The following MAPK8IP1 variants were observed in gnomAD, a reference collection of about 807,000 sequenced individuals.
The protein encoded by MAPK8IP1 is C-Jun-amino-terminal kinase-interacting protein 1.
Under a neutral mutation model 72.6 loss-of-function variants are expected in MAPK8IP1, and 17 were observed. That is an observed-to-expected ratio of 0.23 (90% confidence interval 0.16 to 0.35). The LOEUF (loss-of-function observed/expected upper bound fraction) is 0.35, where lower values mean the gene tolerates loss of function less well. MAPK8IP1 is among the 10% of genes least tolerant of loss of function. The pLI, the probability that MAPK8IP1 is intolerant of heterozygous loss-of-function variation, is 1.00. For missense variants in MAPK8IP1, 789 were observed against 1,009.7 expected (o/e 0.78, Z 2.96); for synonymous variants, 401 against 443.4 (o/e 0.90, Z 1.20).
rs1012731302 is a variant in MAPK8IP1, at chr11:45,900,117, G to A, written c.208-21G>A. 2 of 1,204,390 alleles carry A rather than the reference G, an allele frequency of 1.7e-6. No individual in the cohort carries two copies. The highest frequency in any genetic ancestry group is 1.6e-5 in the African/African-American group (1 of 62,932). 74.6% of individuals were successfully genotyped at this position (1,204,390 alleles called of 1,614,324 possible). A position where few individuals can be genotyped will look rare whatever the true frequency, so the allele number is the denominator to read the frequency against. On this transcript the variant is annotated intron_variant, in intron 2 of 11. Transcript: ENST00000241014. This position sits in a 1 kb window ranked among gnomAD's most constrained non-coding sequence, Gnocchi z 6.5. Reference sequence around the variant, plus strand: ...CCCCGCCCCGGCCCCGCCCCCTGACGCCCCTCCGTGCGCTGTGCAGCCCCC... The same window carrying A: ...CCCCGCCCCGGCCCCGCCCCCTGACACCCCTCCGTGCGCTGTGCAGCCCCC...
chr11:45,898,677 C>G (rs961480441), intron 2 of MAPK8IP1, among the ~76,000 whole-genome samples: 2 of 152,212 alleles, frequency 1.3e-5, no homozygotes, highest in African/African-American at 4.8e-5. Flanking sequence ...ACAGATGGCA[C>G]CACGCGGCCT....
intron 1 of MAPK8IP1, among the ~76,000 whole-genome samples, chr11:45,890,845 A>G (rs956483685): frequency 2.0e-5 from 3 of 152,158 alleles, no homozygotes; most frequent in Admixed American, 6.5e-5. Flanking sequence ...AGGAGAGGAT[A>G]GGGCTGGGGC....
rs757330183 is a variant in MAPK8IP1 at position 45,898,205 on chromosome 11, C to T, written c.207+15C>T. On this transcript the variant is annotated intron_variant, in intron 2 of 11. Transcript: ENST00000241014. ...TGTCCTTACGGGTAAGGGCAAGCTC[C>T]CAGGAGCTCCTGAGTGGGGTGGCAG... The T allele has an allele frequency of 6.3e-7, 1 of 1,583,444 alleles. No individual in the cohort carries two copies. Among genetic ancestry groups the T allele is most frequent in the South Asian group, 1.1e-5 (1 of 90,302 alleles).
At chr11:45,896,792 C>T (rs1162431655) in intron 1 of MAPK8IP1, 10 of 1,537,816 alleles carry the variant, frequency 6.5e-6, no homozygotes, top group Non-Finnish European at 8.8e-6. Flanking sequence ...GGCCCCCAGC[C>T]CTGCCTTGAG....
intron 1 of MAPK8IP1, among the ~76,000 whole-genome samples, chr11:45,894,641 C>G (rs1267410271): frequency 6.6e-6 from 1 of 152,152 alleles, no homozygotes; most frequent in East Asian, 1.9e-4. Flanking sequence ...GCCTGCAGTT[C>G]GAGAGGAGCA....
At chr11:45,894,467 T>C (rs970739527) in intron 1 of MAPK8IP1, among the ~76,000 whole-genome samples, 3 of 151,706 alleles carry the variant, frequency 2.0e-5, no homozygotes, top group South Asian at 2.1e-4. Flanking sequence ...CATTGCCCAA[T>C]TAAAGCCCAG....
In MAPK8IP1 at chr11:45,900,434, G is replaced by A. The variant is rs1468169604; in HGVS notation, c.504G>A (p.Pro168=). 2 of 1,532,222 alleles carry A rather than the reference G, an allele frequency of 1.3e-6. No individual in the cohort carries two copies. The highest frequency in any genetic ancestry group is 1.2e-5 in the South Asian group (1 of 83,796). The allele number at this position is 1,532,222 out of a possible 1,614,324, so 94.9% of individuals were successfully genotyped here. The change falls in exon 3 of 12, where the codon CCG becomes CCA. Residue 168 remains proline (P), a synonymous_variant. Transcript: ENST00000241014. The surrounding 1 kb of genome is among the most constrained non-coding windows in gnomAD (Gnocchi z 6.5). ...GGCCCACCACGCTCAACCTCTTTCC[G>A]CAGGTGCCGCGGTCTCAGGTGAGGC... ...PKRPTTLNLF[P]QVPRSQDTLN... is the part of the protein sequence containing the mutation.
intron 1 of MAPK8IP1, among the ~76,000 whole-genome samples, chr11:45,886,444 T>C (rs1487755243): frequency 6.6e-6 from 1 of 152,166 alleles, no homozygotes; most frequent in Non-Finnish European, 1.5e-5. Context: ...CTCTCTGGAT[T>C]GGGCAGCACC....
At chr11:45,895,609 A>C (rs946365769) in intron 1 of MAPK8IP1, among the ~76,000 whole-genome samples, 5 of 130,092 alleles carry the variant, frequency 3.8e-5, no homozygotes, top group African/African-American at 1.5e-4. Flanking sequence ...GACAGAGCGA[A>C]AGGCCGTCTC....
In MAPK8IP1 at chr11:45,900,557, G is replaced by T; in HGVS notation, c.522+105G>T. 7.4e-7 allele frequency: 1 copy of T among 1,350,120 alleles called. No individual in the cohort carries two copies. Among genetic ancestry groups the T allele is most frequent in the South Asian group, 1.3e-5 (1 of 75,390 alleles). 83.6% of individuals were successfully genotyped at this position (1,350,120 alleles called of 1,614,324 possible). A position where few individuals can be genotyped will look rare whatever the true frequency, so the allele number is the denominator to read the frequency against. ...GGGGCACCCACGGGTCCAGTGCCTG[G>T]GGACAGCGCCTGCATAGGGGCCGCG... On this transcript the variant is annotated intron_variant, in intron 3 of 11. Coordinates refer to ENST00000241014, the MANE Select transcript of MAPK8IP1 (RefSeq NM_005456.4). This position sits in a 1 kb window ranked among gnomAD's most constrained non-coding sequence, Gnocchi z 6.5.
intron 1 of MAPK8IP1, among the ~76,000 whole-genome samples, chr11:45,888,574 C>T (rs2086544432): frequency 1.3e-5 from 2 of 151,956 alleles, no homozygotes; most frequent in African/African-American, 4.8e-5. Flanking sequence ...TGGGAGCATT[C>T]GTTTGTTTGT....
chr11:45,896,273 G>A (rs1453797389), intron 1 of MAPK8IP1, among the ~76,000 whole-genome samples: 2 of 152,242 alleles, frequency 1.3e-5, no homozygotes, highest in East Asian at 3.9e-4. Flanking sequence ...CAGTTTGGAT[G>A]CAGCCTGGGC....
chr11:45,892,980 A>G (rs751698084), intron 1 of MAPK8IP1, among the ~76,000 whole-genome samples: 6 of 152,184 alleles, frequency 3.9e-5, no homozygotes, highest in Non-Finnish European at 5.9e-5. Flanking sequence ...GAGGGCTGCA[A>G]AGAGGCAGGC....
In MAPK8IP1 at chr11:45,905,994, G is replaced by T; in HGVS notation, c.*273G>T. ...GGGCTTGGGGAGCAGGTCTCTGGCA[G>T]AGAAGGATGTCCGTTCCAGGAGCAC... On this transcript the variant is annotated 3_prime_UTR_variant, in exon 12 of 12. Coordinates refer to ENST00000241014, the MANE Select transcript of MAPK8IP1 (RefSeq NM_005456.4). 1 of 571,576 alleles carries T rather than the reference G, an allele frequency of 1.7e-6. No individual in the cohort carries two copies. The highest frequency in any genetic ancestry group is 3.1e-6 in the Non-Finnish European group (1 of 317,882). 35.4% of individuals were successfully genotyped at this position (571,576 alleles called of 1,614,324 possible). A position where few individuals can be genotyped will look rare whatever the true frequency, so the allele number is the denominator to read the frequency against.
intron 1 of MAPK8IP1, among the ~76,000 whole-genome samples, chr11:45,889,928 C>G (rs777894264): frequency 5.3e-5 from 8 of 152,132 alleles, no homozygotes; most frequent in Non-Finnish European, 1.0e-4. Flanking sequence ...GCCTGGCCAT[C>G]ATGCTATTGG....
intron 3 of MAPK8IP1, 65 bp from the exon 4 acceptor site, chr11:45,901,915 G>A (rs924096826): frequency 1.6e-5 from 21 of 1,275,754 alleles, no homozygotes; most frequent in Admixed American, 5.0e-5. Flanking sequence ...GGGCAGGGCC[G>A]GGGCCTCCCT....
intron 2 of MAPK8IP1, among the ~76,000 whole-genome samples, chr11:45,899,012 T>C (rs1414545135): frequency 3.3e-5 from 5 of 152,156 alleles, no homozygotes; most frequent in Non-Finnish European, 7.3e-5. Flanking sequence ...GTGGTTACCA[T>C]AGGAGCGTGA....
rs1374530927 is a variant in MAPK8IP1, at chr11:45,900,904, G to C, written c.522+452G>C. Among the ~76,000 whole-genome samples, 1 of 152,072 alleles carries C rather than the reference G, an allele frequency of 6.6e-6. No homozygotes were observed. The highest frequency in any genetic ancestry group is 2.4e-5 in the African/African-American group (1 of 41,388). Reference sequence around the variant, plus strand: ...GCCGTGGGAGATCGTGGCGAGGTGGGGATGGGAAGCTCAGGGGCCACAGCC... The same window carrying C: ...GCCGTGGGAGATCGTGGCGAGGTGGCGATGGGAAGCTCAGGGGCCACAGCC... On this transcript the variant is annotated intron_variant, in intron 3 of 11. Coordinates refer to ENST00000241014, the MANE Select transcript of MAPK8IP1 (RefSeq NM_005456.4). This position sits in a 1 kb window ranked among gnomAD's most constrained non-coding sequence, Gnocchi z 6.5.
intron 1 of MAPK8IP1, among the ~76,000 whole-genome samples, chr11:45,891,616 A>T (rs1334214174): frequency 1.3e-5 from 2 of 152,212 alleles, no homozygotes; most frequent in Non-Finnish European, 2.9e-5. Context: ...TGTGAAGGAC[A>T]GCAAAGGAGA....
Sources: allele counts gnomAD v4.1 joint callset (sites outside exome capture counted in the v4.1 genomes callset), GRCh38; gene constraint gnomAD v4.1.1; non-coding constraint Gnocchi (gnomAD v3.1); transcripts MANE v1.5; gene names NCBI Gene and HGNC (gene_info 2026-07-23, HGNC 2026-07-21).